The following STARD13 variants were observed in gnomAD, a reference collection of about 807,000 sequenced individuals.
The protein encoded by STARD13 is StAR related lipid transfer domain containing 13, also known as stAR-related lipid transfer protein 13.
Under a neutral mutation model 106.4 loss-of-function variants are expected in STARD13, and 62 were observed. The ratio of observed to expected loss-of-function variants is 0.58; its 90% confidence interval spans 0.48 to 0.72. The LOEUF is 0.72. STARD13 is among the 30% of genes least tolerant of loss of function. STARD13 has a pLI of 0.00. For missense variants in STARD13, 1,387 were observed against 1,424.0 expected, an observed-to-expected ratio of 0.97 and a Z score of 0.42; for synonymous variants, 565 against 553.0, an observed-to-expected ratio of 1.02 and a Z score of -0.31.
chr13:33,560,942 T>C, the STARD13 span, among the ~76,000 whole-genome samples: 2 of 151,532 alleles, frequency 1.3e-5, no homozygotes, highest in Non-Finnish European at 2.9e-5. Context: ...TTACATTCTT[T>C]GGACTGATGA....
chr13:33,641,670 T>C, the STARD13 span, among the ~76,000 whole-genome samples: 1 of 152,338 alleles, frequency 6.6e-6, no homozygotes, highest in African/African-American at 2.4e-5. Flanking sequence ...TTATTGAGTG[T>C]CTACTGTACT....
chr13:33,533,397 C>T, the STARD13 span, among the ~76,000 whole-genome samples: 1 of 152,124 alleles, frequency 6.6e-6, no homozygotes, highest in Non-Finnish European at 1.5e-5. Flanking sequence ...TCTGAAAGTT[C>T]TGAATATTTA....
At chr13:33,419,896 A>T in the STARD13 span, among the ~76,000 whole-genome samples, 1 of 152,200 alleles carries the variant, frequency 6.6e-6, no homozygotes, top group Non-Finnish European at 1.5e-5. Flanking sequence ...TTTTACAGAC[A>T]AGCAAATGCT....
chr13:33,343,323 C>A (rs2077980975), intron 1 of STARD13, among the ~76,000 whole-genome samples: 1 of 149,650 alleles, frequency 6.7e-6, no homozygotes, highest in Non-Finnish European at 1.5e-5. Flanking sequence ...GCCTATCATC[C>A]CAGCACCTTG....
chr13:33,122,419 G>A (rs1209030956), intron 7 of STARD13, among the ~76,000 whole-genome samples: 2 of 152,174 alleles, frequency 1.3e-5, no homozygotes, highest in Non-Finnish European at 2.9e-5. Context: ...GGGCAGCCTG[G>A]GCCATCACAC....
intron 1 of STARD13, among the ~76,000 whole-genome samples, chr13:33,283,861 A>G (rs542186942): frequency 6.6e-6 from 1 of 152,370 alleles, no homozygotes; most frequent in African/African-American, 2.4e-5. Context: ...CAAAAAGAAC[A>G]TAAATAATAT....
chr13:33,614,411 A>G, the STARD13 span, among the ~76,000 whole-genome samples: 1 of 151,574 alleles, frequency 6.6e-6, no homozygotes, highest in Non-Finnish European at 1.5e-5. Flanking sequence ...GGTCCCTTTG[A>G]GACCAATGTT....
the STARD13 span, among the ~76,000 whole-genome samples, chr13:33,603,087 T>C: frequency 1.3e-5 from 2 of 152,144 alleles, no homozygotes; most frequent in Non-Finnish European, 2.9e-5. Context: ...CTCGGGCCTC[T>C]CAAAGTATCA....
At chr13:33,546,989 A>G in the STARD13 span, among the ~76,000 whole-genome samples, 16 of 152,346 alleles carry the variant, frequency 1.1e-4, no homozygotes, top group East Asian at 3.1e-3. Context: ...AAATGTTGAA[A>G]TATATTTAAC....
At chr13:33,542,729 T>G in the STARD13 span, among the ~76,000 whole-genome samples, 4 of 152,172 alleles carry the variant, frequency 2.6e-5, no homozygotes, top group African/African-American at 9.7e-5. Context: ...AGAGGCTGGT[T>G]GCAGCGCACA....
chr13:33,380,499 A>G, the STARD13 span, among the ~76,000 whole-genome samples: 1 of 120,546 alleles, frequency 8.3e-6, no homozygotes, highest in Admixed American at 1.0e-4. Context: ...ACACAAATTC[A>G]AGTTCATCCA....
intron 1 of STARD13, among the ~76,000 whole-genome samples, chr13:33,220,452 G>A (rs967195821): frequency 6.6e-6 from 1 of 152,156 alleles, no homozygotes; most frequent in East Asian, 1.9e-4. Flanking sequence ...CAGCACTTTG[G>A]GAGGCTGAGG....
downstream of STARD13, among the ~76,000 whole-genome samples, chr13:33,344,456 AGT>A (rs1375679777): frequency 5.3e-5 from 8 of 152,224 alleles, no homozygotes; most frequent in Non-Finnish European, 1.2e-4. Context: ...AGAATAGTTG[AGT>A]ATCATCCTGT....
the STARD13 span, among the ~76,000 whole-genome samples, chr13:33,545,370 C>T: frequency 6.6e-6 from 1 of 152,352 alleles, no homozygotes; most frequent in East Asian, 1.9e-4. Flanking sequence ...GCTGGGATTA[C>T]AGGCGTGAGC....
In STARD13 at chr13:33,326,009, G is replaced by A. The variant is rs989007584; in HGVS notation, c.124+24281C>T. On this transcript the variant is annotated intron_variant, in intron 1 of 5. Transcript: ENST00000567873. Reference sequence around the variant, plus strand: ...AAAAAAAAAAAAAAAAAAAAAAAGAGCAGAAAAGTGAAGCTGAAAGAATAT... The same window carrying A: ...AAAAAAAAAAAAAAAAAAAAAAAGAACAGAAAAGTGAAGCTGAAAGAATAT... 5.4e-5 allele frequency among the ~76,000 whole-genome samples: 7 copies of A among 130,656 alleles called. No homozygotes were observed. In the East Asian group the frequency reaches 8.9e-4, roughly 17 times the overall value. 85.7% of individuals were successfully genotyped at this position (130,656 alleles called of 152,430 possible).
At chr13:33,479,862 C>A in the STARD13 span, among the ~76,000 whole-genome samples, 4 of 152,168 alleles carry the variant, frequency 2.6e-5, no homozygotes. Flanking sequence ...GCCTGCTCCC[C>A]CTTCTCCTTC....
At chr13:33,146,993 C>T (rs1880634134) in intron 3 of STARD13, among the ~76,000 whole-genome samples, 1 of 152,210 alleles carries the variant, frequency 6.6e-6, no homozygotes, top group Admixed American at 6.5e-5. Flanking sequence ...AAAGAATTGT[C>T]ATTATCTGAG....
the STARD13 span, among the ~76,000 whole-genome samples, chr13:33,432,942 T>C: frequency 6.6e-6 from 1 of 152,184 alleles, no homozygotes; most frequent in Non-Finnish European, 1.5e-5. Context: ...TAAAACAATA[T>C]GCCATAAATA....
chr13:33,400,615 C>T, the STARD13 span, among the ~76,000 whole-genome samples: 1 of 152,198 alleles, frequency 6.6e-6, no homozygotes, highest in African/African-American at 2.4e-5. Flanking sequence ...CGCCCGCCAC[C>T]ATGCCCAGCT....
Sources: gnomAD v4.1 joint callset for allele counts (sites outside exome capture counted in the v4.1 genomes callset) on GRCh38, gnomAD v4.1.1 for gene constraint, MANE v1.5 for transcripts, NCBI Gene and HGNC (gene_info 2026-07-23, HGNC 2026-07-21) for gene names.